The following TRPV2 variants were observed in gnomAD, a reference collection of about 807,000 sequenced individuals.
The protein encoded by TRPV2 is OTRPC2.
A neutral mutation model predicts 91.0 loss-of-function variants in TRPV2; 58 were observed. The observed-to-expected ratio is 0.64, with a 90% CI of 0.52 to 0.79. TRPV2 has a LOEUF of 0.79. Among genes scored for constraint, TRPV2 ranks in the 30% least tolerant of loss-of-function variants. TRPV2 has a pLI of 0.00. For synonymous variants in TRPV2, 417 were observed against 414.8 expected, an observed-to-expected ratio of 1.01 and a Z score of -0.06; for missense variants, 807 against 969.6, an observed-to-expected ratio of 0.83 and a Z score of 2.23.
intron 8 of TRPV2, among the ~76,000 whole-genome samples, chr17:16,427,956 G>T (rs556241545): frequency 7.9e-5 from 12 of 152,310 alleles, no homozygotes; most frequent in African/African-American, 2.6e-4. Flanking sequence ...CAGGACACAG[G>T]CTGGACACCA....
intron 1 of TRPV2, among the ~76,000 whole-genome samples, chr17:16,417,321 C>G (rs1352277505): frequency 6.6e-6 from 1 of 150,502 alleles, no homozygotes; most frequent in Non-Finnish European, 1.5e-5. Context: ...GCAGTGGTGC[C>G]ATCTTAGCTT....
chr17:16,424,060 G>C (rs1207678841), intron 5 of TRPV2, among the ~76,000 whole-genome samples: 2 of 152,076 alleles, frequency 1.3e-5, no homozygotes, highest in East Asian at 3.9e-4. Context: ...TGCGACCTCG[G>C]CTCACCGCAA....
chr17:16,431,283 ATATACATATTTTTTT>A (rs1284147280), intron 10 of TRPV2, among the ~76,000 whole-genome samples: 1 of 51,284 alleles, frequency 1.9e-5, no homozygotes, highest in East Asian at 3.9e-4. Context: ...ATATATATAT[ATATACATATTTTTTT>A]TTTTTTTTTT....
intron 3 of TRPV2, 45 bp from the exon 4 acceptor site, chr17:16,422,554 A>G (rs2093363025): frequency 6.3e-7 from 1 of 1,583,914 alleles, no homozygotes; most frequent in Non-Finnish European, 8.6e-7. Context: ...CAGCCACTCC[A>G]GGTCTCAGCA....
At chr17:16,434,788 A>G (rs1330315011) in intron 13 of TRPV2, 102 bp from the exon 14 acceptor site, 8 of 1,104,032 alleles carry the variant, frequency 7.2e-6, no homozygotes, top group Non-Finnish European at 1.1e-5. Flanking sequence ...CCACCAGAGC[A>G]TCTCTGCATA....
chr17:16,422,751 G>A lies in TRPV2; in HGVS notation c.487G>A (p.Gly163Ser). ...CCAGTGCACAGATGACTATTACCGA[G>A]GCCACAGCGCTCTGCACATCGCCAT... ...NAQCTDDYYR[G>S]HSALHIAIEK... The change falls in exon 4 of 15, where the codon GGC (glycine) becomes AGC (serine). Residue 163 changes from glycine to serine, a missense_variant. By Grantham distance (56) the Gly-to-Ser change is moderately conservative. Coordinates refer to ENST00000338560, the MANE Select transcript of TRPV2 (RefSeq NM_016113.5). 1 of 1,584,496 alleles carries A rather than the reference G, an allele frequency of 6.3e-7. No homozygotes were observed. Among genetic ancestry groups the A allele is most frequent in the South Asian group, 1.1e-5 (1 of 87,592 alleles).
At chr17:16,433,810 G>A in intron 13 of TRPV2, 112 bp downstream of exon 13, 3 of 1,456,548 alleles carry the variant, frequency 2.1e-6, no homozygotes, top group Non-Finnish European at 2.8e-6. Context: ...GGAAGGGCAG[G>A]CCCAAAGAGC....
At chr17:16,436,098 C>G (rs1600996852) in intron 14 of TRPV2, among the ~76,000 whole-genome samples, 2 of 152,160 alleles carry the variant, frequency 1.3e-5, no homozygotes, top group South Asian at 4.1e-4. Flanking sequence ...CTATTCCCCC[C>G]GCTATACCAG....
At position 16,428,946 on chromosome 17, in the gene TRPV2, C is replaced by T; in HGVS notation, c.1551C>T (p.Phe517=). ...WLNLLYYTRG[F]QHTGIYSVMI... ...ACCTGCTTTACTATACACGTGGCTT[C>T]CAGCACACAGGCATCTACAGTGTCA... The change falls in exon 10 of 15, where the codon TTC becomes TTT. Residue 517 remains phenylalanine (F), a synonymous_variant. Coordinates refer to ENST00000338560, the MANE Select transcript of TRPV2 (RefSeq NM_016113.5). 6.2e-7 allele frequency: 1 copy of T among 1,614,196 alleles called. No individual in the cohort carries two copies. The highest frequency in any genetic ancestry group is 8.5e-7 in the Non-Finnish European group (1 of 1,180,050).
At chr17:16,433,196 T>G (rs2093421272) in intron 12 of TRPV2, 1 of 195,618 alleles carries the variant, frequency 5.1e-6, no homozygotes, top group Non-Finnish European at 1.1e-5. Context: ...CCCACCTGAC[T>G]CACTGGTGTG....
chr17:16,433,042 TGA>T (rs2093420609), intron 12 of TRPV2, among the ~76,000 whole-genome samples: 1 of 152,156 alleles, frequency 6.6e-6, no homozygotes, highest in Non-Finnish European at 1.5e-5. Flanking sequence ...TGACCTCAGG[TGA>T]TACACCTGCC....
chr17:16,428,238 A>G, intron 8 of TRPV2, 79 bp from the exon 9 acceptor site: 1 of 1,367,014 alleles, frequency 7.3e-7, no homozygotes, highest in Non-Finnish European at 1.0e-6. Context: ...CCTGGGTGGC[A>G]GGCTCCCACT....
chr17:16,419,635 ATGGTT>A (rs1214625773), intron 2 of TRPV2, among the ~76,000 whole-genome samples: 1 of 152,112 alleles, frequency 6.6e-6, no homozygotes, highest in African/African-American at 2.4e-5. Context: ...TAGTTAATAG[ATGGTT>A]TCTAAGAGGA....
intron 13 of TRPV2, among the ~76,000 whole-genome samples, chr17:16,434,292 C>T (rs1276029652): frequency 6.6e-6 from 1 of 151,990 alleles, no homozygotes. Flanking sequence ...CACAGTGAAA[C>T]CCCATCTCTA....
Position 16,418,442 on chromosome 17 carries a change from C to G in TRPV2, c.200+574C>G, listed in dbSNP as rs1055927170. On this transcript the variant is annotated intron_variant, in intron 2 of 14. Transcript: ENST00000338560. The stretch of plus-strand genomic sequence containing the variant: ...TTCCAGTCCTGCTGCATTTGGCACC[C>G]CCTACTTCCCTGCCCGGGGGCGGGG... 2.0e-5 allele frequency among the ~76,000 whole-genome samples: 3 copies of G among 152,230 alleles called. No individual in the cohort carries two copies. In the South Asian group the frequency reaches 6.2e-4, roughly 32 times the overall value.
At position 16,428,847 on chromosome 17, in the gene TRPV2, C is replaced by T. The variant is rs774391556; in HGVS notation, c.1452C>T (p.Ser484=). ...TCCAGGCCCTGCTCACAGTGGTGTC[C>T]CAGGTGCTGTGTTTCCTGGCCATCG... The part of the protein sequence containing the change: ...FLFQALLTVV[S]QVLCFLAIEW... The change falls in exon 10 of 15, where the codon TCC becomes TCT. Residue 484 remains serine (S), a synonymous_variant. Transcript: ENST00000338560. 2 of 1,613,854 alleles carry T rather than the reference C, an allele frequency of 1.2e-6. No homozygotes were observed. The highest frequency in any genetic ancestry group is 2.2e-5 in the South Asian group (2 of 91,066).
intron 5 of TRPV2, among the ~76,000 whole-genome samples, 179 bp from the exon 6 acceptor site, chr17:16,425,920 C>T (rs1177212799): frequency 2.6e-5 from 4 of 151,994 alleles, no homozygotes; most frequent in Non-Finnish European, 4.4e-5. Flanking sequence ...TGGCTGGGTG[C>T]GTGTGTGTGT....
chr17:16,432,528 C>T (rs1028451359), intron 12 of TRPV2, among the ~76,000 whole-genome samples: 4 of 151,622 alleles, frequency 2.6e-5, no homozygotes, highest in African/African-American at 9.7e-5. Flanking sequence ...GCAGCCTCGG[C>T]CTCCTGAGCT....
Position 16,422,711 on chromosome 17 carries a change from G to A in TRPV2, c.447G>A (p.Gln149=), listed in dbSNP as rs374894490. The A allele has an allele frequency of 7.5e-6, 12 of 1,606,626 alleles. No homozygotes were observed. Among genetic ancestry groups the A allele is most frequent in the South Asian group, 2.2e-5 (2 of 89,966 alleles). The stretch of plus-strand genomic sequence containing the variant: ...TCGACAGGGACTCTGGCAATCCTCA[G>A]CCCCTGGTAAATGCCCAGTGCACAG... ...LQIDRDSGNP[Q]PLVNAQCTDD... The change falls in exon 4 of 15, where the codon CAG becomes CAA. Residue 149 remains glutamine, a synonymous_variant. Coordinates refer to ENST00000338560, the MANE Select transcript of TRPV2 (RefSeq NM_016113.5).
Sources: gnomAD v4.1 joint callset for allele counts (sites outside exome capture counted in the v4.1 genomes callset) on GRCh38, gnomAD v4.1.1 for gene constraint, MANE v1.5 for transcripts, NCBI Gene and HGNC (gene_info 2026-07-23, HGNC 2026-07-21) for gene names.